The following MDGA2 variants were observed in gnomAD, a reference collection of about 807,000 sequenced individuals.
MDGA2 encodes the protein MAM domain containing glycosylphosphatidylinositol anchor 2.
In MDGA2, 40 loss-of-function variants were observed where a neutral mutation model predicts 117.8. The observed-to-expected ratio is 0.34, with a 90% CI of 0.26 to 0.44. MDGA2 has a LOEUF of 0.44. Ranked by LOEUF, MDGA2 falls within the 20% of genes least tolerant of loss-of-function variation. The pLI is 1.00. For synonymous variants in MDGA2, 452 were observed against 439.0 expected, an observed-to-expected ratio of 1.03 and a Z score of -0.37; for missense variants, 1,123 against 1,250.6, an observed-to-expected ratio of 0.90 and a Z score of 1.54.
chr14:47,072,100 T>TG (rs1890304710), intron 6 of MDGA2, among the ~76,000 whole-genome samples: 1 of 27,890 alleles, frequency 3.6e-5, no homozygotes, highest in Non-Finnish European at 7.8e-5. Context: ...TTGTTGTTGT[T>TG]TGGGGGGGGG....
chr14:47,285,365 T>A (rs1319767087), intron 2 of MDGA2, among the ~76,000 whole-genome samples: 1 of 152,188 alleles, frequency 6.6e-6, no homozygotes, highest in Non-Finnish European at 1.5e-5. Flanking sequence ...AAAGCTTTCA[T>A]CATCTCTGTA....
intron 7 of MDGA2, among the ~76,000 whole-genome samples, chr14:47,048,510 G>T (rs548085223): frequency 5.9e-5 from 9 of 152,200 alleles, no homozygotes; most frequent in African/African-American, 1.9e-4. Flanking sequence ...ATGTGACATT[G>T]TTAGCTCTCT....
rs772395478 is a variant in MDGA2 at position 46,841,929 on chromosome 14, G to A, written c.*2C>T. On this transcript the variant is annotated 3_prime_UTR_variant, in exon 17 of 17. Transcript: ENST00000399232. ...TCTTTTATAGCCTCTGCCAGGATAA[G>A]GTCACCTTCGAGGACTTAAGATAGA... 1.2e-6 allele frequency: 2 copies of A among 1,601,012 alleles called. No individual in the cohort carries two copies. The highest frequency in any genetic ancestry group is 1.7e-6 in the Non-Finnish European group (2 of 1,170,600).
intron 1 of MDGA2, among the ~76,000 whole-genome samples, chr14:47,455,838 G>C (rs927935073): frequency 6.6e-6 from 1 of 151,510 alleles, no homozygotes; most frequent in Non-Finnish European, 1.5e-5. Context: ...CTTTACTAAA[G>C]ATACAAAAAT....
intron 9 of MDGA2, among the ~76,000 whole-genome samples, chr14:46,924,334 T>G (rs10152011): frequency 0.02 from 3,013 of 152,138 alleles, 101 homozygotes; most frequent in African/African-American, 0.068. Flanking sequence ...TAAAAACAAT[T>G]ATTATTCCCA....
At chr14:47,085,492 T>C (rs970415454) in intron 6 of MDGA2, among the ~76,000 whole-genome samples, 2 of 152,168 alleles carry the variant, frequency 1.3e-5, no homozygotes, top group Admixed American at 6.5e-5. Flanking sequence ...CAGTGGTTGG[T>C]TGGAACCACT....
intron 1 of MDGA2, among the ~76,000 whole-genome samples, chr14:47,529,458 C>A (rs945241174): frequency 6.6e-6 from 1 of 152,052 alleles, no homozygotes; most frequent in Admixed American, 6.6e-5. Flanking sequence ...GTATCCCCCC[C>A]CTCAGGTATT....
intron 5 of MDGA2, among the ~76,000 whole-genome samples, chr14:47,105,100 C>G (rs139203671): frequency 0.36 from 22,833 of 64,176 alleles, 1,879 homozygotes; most frequent in African/African-American, 0.43. Context: ...TGTCAGACCA[C>G]GCAGGGACGC....
At chr14:47,237,666 G>C (rs951056487) in intron 2 of MDGA2, among the ~76,000 whole-genome samples, 1 of 152,124 alleles carries the variant, frequency 6.6e-6, no homozygotes, top group African/African-American at 2.4e-5. Context: ...CCATATCCAT[G>C]TATATGGCAT....
In MDGA2 at chr14:47,634,855, G is replaced by T. The variant is rs543233207; in HGVS notation, c.280+39662C>A. Among the ~76,000 whole-genome samples the T allele has an allele frequency of 5.3e-5, 8 of 152,096 alleles. No homozygotes were observed. In the East Asian group the frequency reaches 1.5e-3, roughly 29 times the overall value. ...CCATCTCAATCATTACCATGTTCAG[G>T]TTCACTAACTGAATCACTTTCAAAA... On this transcript the variant is annotated intron_variant, in intron 1 of 16. Coordinates refer to ENST00000399232, the MANE Select transcript of MDGA2 (RefSeq NM_001113498.3).
At chr14:46,914,120 T>C (rs952302965) in intron 10 of MDGA2, among the ~76,000 whole-genome samples, 2 of 152,146 alleles carry the variant, frequency 1.3e-5, no homozygotes, top group Non-Finnish European at 1.5e-5. Flanking sequence ...ACATTTCAAA[T>C]GAAGTAAAAT....
chr14:47,460,985 G>A (rs1366609213), intron 1 of MDGA2, among the ~76,000 whole-genome samples: 1 of 152,100 alleles, frequency 6.6e-6, no homozygotes, highest in Non-Finnish European at 1.5e-5. Context: ...ATCCTATAAA[G>A]GAATTCCTTT....
intron 1 of MDGA2, 116 bp from the exon 2 acceptor site, chr14:47,301,666 G>C: frequency 9.0e-7 from 1 of 1,109,872 alleles, no homozygotes; most frequent in South Asian, 1.5e-5. Flanking sequence ...AGTCAGATTA[G>C]TCAGATTCAT....
intron 1 of MDGA2, among the ~76,000 whole-genome samples, chr14:47,506,356 CCCAACCTTGT>C (rs1313798833): frequency 6.6e-6 from 1 of 152,194 alleles, no homozygotes; most frequent in Non-Finnish European, 1.5e-5. Flanking sequence ...AGCTTTATTT[CCCAACCTTGT>C]TCACACCCAG....
chr14:47,272,034 CA>C (rs1888161958), intron 2 of MDGA2, among the ~76,000 whole-genome samples: 1 of 152,004 alleles, frequency 6.6e-6, no homozygotes, highest in South Asian at 2.1e-4. Flanking sequence ...ATCCTCAAGC[CA>C]AAACCTTGAC....
At chr14:47,638,241 C>A (rs937078966) in intron 1 of MDGA2, among the ~76,000 whole-genome samples, 8 of 152,044 alleles carry the variant, frequency 5.3e-5, no homozygotes, top group African/African-American at 1.9e-4. Context: ...CAGTTGAAAT[C>A]AATCAAAATA....
chr14:47,070,839 C>T (rs2416018), intron 6 of MDGA2, among the ~76,000 whole-genome samples: 12,923 of 152,244 alleles, frequency 0.085, 732 homozygotes, highest in Admixed American at 0.14. Context: ...AACTCCTGAC[C>T]TCAGGTGATC....
At chr14:46,896,511 C>A (rs1883084015) in intron 10 of MDGA2, among the ~76,000 whole-genome samples, 1 of 151,964 alleles carries the variant, frequency 6.6e-6, no homozygotes, top group African/African-American at 2.4e-5. Flanking sequence ...AATGGAGGAT[C>A]AAGCAGAGTA....
chr14:47,119,177 C>G lies in MDGA2; in HGVS notation c.925+12537G>C, dbSNP rs1313155587. Among the ~76,000 whole-genome samples the G allele has an allele frequency of 8.4e-4, 38 of 45,002 alleles. 9 individuals carry two copies. The highest frequency in any genetic ancestry group is 3.0e-3 in the East Asian group (5 of 1,684). The allele number at this position is 45,002 out of a possible 152,430, so 29.5% of individuals were successfully genotyped here. A position where few individuals can be genotyped will look rare whatever the true frequency, so the allele number is the denominator to read the frequency against. ...GCCATTCTCCTGCCTCAGCCCCGCC[C>G]CCCCCCCCCCACCCCGTAGCTGGGA... On this transcript the variant is annotated intron_variant, in intron 5 of 16. Transcript: ENST00000399232.
Sources: gnomAD v4.1 joint callset for allele counts (sites outside exome capture counted in the v4.1 genomes callset) on GRCh38, gnomAD v4.1.1 for gene constraint, MANE v1.5 for transcripts, NCBI Gene and HGNC (gene_info 2026-07-23, HGNC 2026-07-21) for gene names.